The following RPH3AL variants were observed in gnomAD, a reference collection of about 807,000 sequenced individuals.
RPH3AL encodes the protein rab effector Noc2.
Under a neutral mutation model 43.1 loss-of-function variants are expected in RPH3AL, and 38 were observed. The observed-to-expected ratio is 0.88, with a 90% CI of 0.68 to 1.15. The LOEUF (loss-of-function observed/expected upper bound fraction) is 1.15, where lower values mean the gene tolerates loss of function less well. RPH3AL is among the 50% of genes most tolerant of loss of function. The probability of loss-of-function intolerance (pLI) is 0.00; values close to 1 mark genes in which losing one functional copy is unlikely to be tolerated. For synonymous variants in RPH3AL, 189 were observed against 176.3 expected, an observed-to-expected ratio of 1.07 and a Z score of -0.57; for missense variants, 462 against 423.2, an observed-to-expected ratio of 1.09 and a Z score of -0.81.
At chr17:247,862 C>A (rs1273138960) in intron 6 of RPH3AL, among the ~76,000 whole-genome samples, 4 of 152,216 alleles carry the variant, frequency 2.6e-5, no homozygotes, top group African/African-American at 9.6e-5. Context: ...CCACAAGCCA[C>A]CAGGCACTGC....
rs1555540357 is a variant in RPH3AL at position 247,133 on chromosome 17, G to T, written c.591C>A (p.Ile197=). ...TACCTCTTCCTCGGGCCCACGTGTA[G>T]ATGCGGCTGGTCTCAGAGCTTCTGG... The part of the protein sequence containing the change: ...REPRSSETSR[I]YTWARGRVVS... The change falls in exon 7 of 10, where the codon ATC becomes ATA. Residue 197 remains isoleucine (I), a synonymous_variant. Coordinates refer to ENST00000331302, the MANE Select transcript of RPH3AL (RefSeq NM_006987.4). 6.2e-7 allele frequency: 1 copy of T among 1,614,214 alleles called. No homozygotes were observed. The highest frequency in any genetic ancestry group is 1.1e-5 in the South Asian group (1 of 91,080).
chr17:315,892 C>A (rs796314858), intron 5 of RPH3AL, among the ~76,000 whole-genome samples: 3 of 150,110 alleles, frequency 2.0e-5, no homozygotes, highest in Admixed American at 6.6e-5. Flanking sequence ...ACCTGTAGTC[C>A]CTGTGACTCC....
chr17:286,618 T>C (rs1228399542), intron 5 of RPH3AL, among the ~76,000 whole-genome samples: 1 of 152,202 alleles, frequency 6.6e-6, no homozygotes, highest in Non-Finnish European at 1.5e-5. Context: ...GTGGTATTTT[T>C]GAAAACCCAT....
chr17:233,790 G>T (rs368345743), intron 7 of RPH3AL, among the ~76,000 whole-genome samples: 1 of 152,188 alleles, frequency 6.6e-6, no homozygotes, highest in Non-Finnish European at 1.5e-5. Context: ...CAACAGGGCC[G>T]GGTGGGGACT....
intron 3 of RPH3AL, 99 bp from the exon 4 acceptor site, chr17:321,514 A>G: frequency 1.5e-6 from 2 of 1,370,398 alleles, no homozygotes; most frequent in Non-Finnish European, 9.6e-7. Context: ...CAGTCAGTGG[A>G]CGGCCCAGGT....
chr17:292,091 GA>G (rs2043059986), intron 5 of RPH3AL, among the ~76,000 whole-genome samples: 1 of 152,234 alleles, frequency 6.6e-6, no homozygotes. Context: ...TGTCCACGCA[GA>G]CAGGCAGGAG....
chr17:351,326 T>G (rs1313927412), intron 1 of RPH3AL, among the ~76,000 whole-genome samples: 1 of 151,736 alleles, frequency 6.6e-6, no homozygotes, highest in Non-Finnish European at 1.5e-5. Context: ...CAAGAAACAC[T>G]CCCCTCCTCA....
At chr17:275,319 G>A (rs1427181453) in intron 6 of RPH3AL, among the ~76,000 whole-genome samples, 1 of 151,594 alleles carries the variant, frequency 6.6e-6, no homozygotes, top group Admixed American at 6.6e-5. Flanking sequence ...TTTTTACAAT[G>A]GGATATAGAC....
chr17:272,188 A>T (rs930177940), intron 6 of RPH3AL, among the ~76,000 whole-genome samples: 1 of 152,202 alleles, frequency 6.6e-6, no homozygotes, highest in Non-Finnish European at 1.5e-5. Flanking sequence ...ATTGTGGAGG[A>T]CAGTGTGGTG....
At position 246,594 on chromosome 17, in the gene RPH3AL, A is replaced by C. The variant is rs966888895; in HGVS notation, c.613+517T>G. On this transcript the variant is annotated intron_variant, in intron 7 of 9. Transcript: ENST00000331302. The surrounding 1 kb of genome is among the most constrained non-coding windows in gnomAD (Gnocchi z 4.8). ...CAACCAGGCGCCCCCATCGTTGCCA[A>C]GTGGGGCGGCCACCTGAGACACACA... Among the ~76,000 whole-genome samples the C allele has an allele frequency of 1.3e-5, 2 of 152,068 alleles. No individual in the cohort carries two copies. The highest frequency in any genetic ancestry group is 2.1e-4 in the South Asian group (1 of 4,812).
chr17:289,014 A>G lies in RPH3AL; in HGVS notation c.352-7160T>C, dbSNP rs1295778977. On this transcript the variant is annotated intron_variant, in intron 5 of 9. Transcript: ENST00000331302. The surrounding 1 kb of genome is among the most constrained non-coding windows in gnomAD (Gnocchi z 5.2). Reference sequence around the variant, plus strand: ...TTGCAAAGAAATGTATATTCTCTCTACCCCCAAGAACACAGGGGAGGGGGT... The same window carrying G: ...TTGCAAAGAAATGTATATTCTCTCTGCCCCCAAGAACACAGGGGAGGGGGT... Among the ~76,000 whole-genome samples, 1 of 151,760 alleles carries G rather than the reference A, an allele frequency of 6.6e-6. No homozygotes were observed. Among genetic ancestry groups the G allele is most frequent in the Non-Finnish European group, 1.5e-5 (1 of 67,948 alleles).
chr17:341,955 A>C (rs2045131129), intron 1 of RPH3AL, among the ~76,000 whole-genome samples: 1 of 152,084 alleles, frequency 6.6e-6, no homozygotes, highest in Admixed American at 6.5e-5. Context: ...GATATTTGCA[A>C]ACCATATATC....
intron 1 of RPH3AL, among the ~76,000 whole-genome samples, chr17:336,866 C>T (rs932170346): frequency 5.3e-5 from 8 of 152,166 alleles, no homozygotes; most frequent in South Asian, 2.1e-4. Context: ...CTTTGGTTCA[C>T]GCTGTCTACC....
chr17:305,602 G>C (rs190877436), intron 5 of RPH3AL, among the ~76,000 whole-genome samples: 1 of 152,044 alleles, frequency 6.6e-6, no homozygotes, highest in African/African-American at 2.4e-5. Context: ...CAGGACACCC[G>C]AGTGGAGATA....
Position 319,556 on chromosome 17 carries a change from C to A in RPH3AL, c.222-7G>T. ...CAGCCGCTCCACCAGCCGCCTGCAGCACAGGACACAGAGTCAGAGGGACTG... is the reference window on the plus strand; with the variant it reads ...CAGCCGCTCCACCAGCCGCCTGCAGAACAGGACACAGAGTCAGAGGGACTG... On this transcript the variant is annotated splice_region_variant and splice_polypyrimidine_tract_variant and intron_variant, in intron 4 of 9. Coordinates refer to ENST00000331302, the MANE Select transcript of RPH3AL (RefSeq NM_006987.4). The A allele has an allele frequency of 3.1e-6, 5 of 1,609,906 alleles. No individual in the cohort carries two copies. Among genetic ancestry groups the A allele is most frequent in the Non-Finnish European group, 4.2e-6 (5 of 1,179,906 alleles).
Position 215,852 on chromosome 17 carries a change from G to A in RPH3AL, c.728-50C>T. ...CGTGGATCTCAAACCGAGACGGGGTGATCTCAGTCCAGTTCCTCGTTTGGA... is the reference window on the plus strand; with the variant it reads ...CGTGGATCTCAAACCGAGACGGGGTAATCTCAGTCCAGTTCCTCGTTTGGA... On this transcript the variant is annotated intron_variant, in intron 8 of 9. Coordinates refer to ENST00000331302, the MANE Select transcript of RPH3AL (RefSeq NM_006987.4). This position sits in a 1 kb window ranked among gnomAD's most constrained non-coding sequence, Gnocchi z 4.1. The A allele has an allele frequency of 1.5e-6, 2 of 1,291,958 alleles. No homozygotes were observed. Among genetic ancestry groups the A allele is most frequent in the Non-Finnish European group, 2.0e-6 (2 of 1,013,402 alleles). The allele number at this position is 1,291,958 out of a possible 1,614,324, so 80.0% of individuals were successfully genotyped here.
At chr17:281,664 G>GGCCCCCCCCCCCCCCCCCCCCCCAA in intron 6 of RPH3AL, 104 bp downstream of exon 6, 1 of 574,676 alleles carries the variant, frequency 1.7e-6, no homozygotes, top group Non-Finnish European at 3.3e-6. Context: ...AGCGTATCCA[G>GGCCCCCCCCCCCCCCCCCCCCCCAA]CCCGCCCAGC....
intron 7 of RPH3AL, among the ~76,000 whole-genome samples, chr17:227,890 C>A (rs775853222): frequency 1.3e-5 from 2 of 152,040 alleles, no homozygotes; most frequent in South Asian, 2.1e-4. Context: ...AAAAAAAATT[C>A]TCTAATGTAA....
rs75218377 is a variant in RPH3AL at position 248,652 on chromosome 17, T to C, written c.439-1367A>G. On this transcript the variant is annotated intron_variant, in intron 6 of 9. Coordinates refer to ENST00000331302, the MANE Select transcript of RPH3AL (RefSeq NM_006987.4). ...CCTTGGGCTCTGAGGGGTCCCTCTG[T>C]TCCTCTAATATCCCCAGCTTGGACA... is the stretch of plus-strand genomic sequence containing the variant. Among the ~76,000 whole-genome samples, 788 of 152,230 alleles carry C rather than the reference T, an allele frequency of 5.2e-3. 5 individuals are homozygous for C. Among genetic ancestry groups the C allele is most frequent in the Middle Eastern group, 0.017 (5 of 294 alleles).
Sources: gnomAD v4.1 joint callset for allele counts (sites outside exome capture counted in the v4.1 genomes callset) on GRCh38, gnomAD v4.1.1 for gene constraint, Gnocchi (gnomAD v3.1) non-coding constraint, MANE v1.5 for transcripts, NCBI Gene and HGNC (gene_info 2026-07-23, HGNC 2026-07-21) for gene names.